The following CLIC5 variants were observed in gnomAD, a reference collection of about 807,000 sequenced individuals.
The protein encoded by CLIC5 is CLIC family member 5, also known as chloride intracellular channel protein 5.
In CLIC5, 20 loss-of-function variants were observed where a neutral mutation model predicts 24.7. The ratio of observed to expected loss-of-function variants is 0.81; its 90% CI spans 0.57 to 1.18. CLIC5 has a LOEUF of 1.18. CLIC5 is among the 50% of genes most tolerant of loss of function. CLIC5 has a pLI of 0.00. For missense variants in CLIC5, 341 were observed against 326.1 expected, an observed-to-expected ratio of 1.05 and a Z score of -0.35; for synonymous variants, 159 against 135.6, an observed-to-expected ratio of 1.17 and a Z score of -1.20.
intron 1 of CLIC5, among the ~76,000 whole-genome samples, chr6:46,024,621 T>A (rs1581875557): frequency 6.6e-6 from 1 of 152,196 alleles, no homozygotes; most frequent in African/African-American, 2.4e-5. Context: ...ACCACTAGAT[T>A]TTCCTGTCCT....
the CLIC5 span, among the ~76,000 whole-genome samples, chr6:46,124,781 C>G: frequency 6.6e-6 from 1 of 150,766 alleles, no homozygotes; most frequent in East Asian, 2.0e-4. Context: ...TGAACAGACA[C>G]TTCTCAAAAG....
At chr6:45,949,182 G>A in intron 3 of CLIC5, 74 bp downstream of exon 3, 1 of 1,526,180 alleles carries the variant, frequency 6.6e-7, no homozygotes, top group East Asian at 2.3e-5. Context: ...TCTGCCCGAA[G>A]TTAACACCAG....
At position 46,010,092 on chromosome 6, in the gene CLIC5, A is replaced by T. The variant is rs182472547; in HGVS notation, c.63+5388T>A. Among the ~76,000 whole-genome samples the T allele has an allele frequency of 2.2e-4, 33 of 152,278 alleles. No homozygotes were observed. The East Asian group carries it at 6.0e-3, about 28-fold the overall frequency. On this transcript the variant is annotated intron_variant, in intron 1 of 5. Coordinates refer to ENST00000339561, the MANE Select transcript of CLIC5 (RefSeq NM_016929.5). Reference sequence around the variant, plus strand: ...CAGGGGTCAGCTCCAACAATCGGGAACATTTCTCTTCCAGTTCCCTGAATG... The same window carrying T: ...CAGGGGTCAGCTCCAACAATCGGGATCATTTCTCTTCCAGTTCCCTGAATG...
At chr6:45,992,669 A>G (rs1383498989) in intron 1 of CLIC5, among the ~76,000 whole-genome samples, 1 of 152,148 alleles carries the variant, frequency 6.6e-6, no homozygotes, top group African/African-American at 2.4e-5. Flanking sequence ...GTAAGTCTGT[A>G]TCAGTGTTTC....
intron 4 of CLIC5, among the ~76,000 whole-genome samples, chr6:45,925,158 A>T (rs975297509): frequency 4.6e-5 from 7 of 152,236 alleles, no homozygotes; most frequent in African/African-American, 1.7e-4. Flanking sequence ...AAGAGTGCTT[A>T]GAACAGGGCA....
chr6:45,893,338 C>G (rs971595381), intron 6 of CLIC5, among the ~76,000 whole-genome samples: 1 of 151,802 alleles, frequency 6.6e-6, no homozygotes, highest in Admixed American at 6.6e-5. Context: ...GACTGAAGAC[C>G]AACATTTTCC....
At chr6:46,087,907 T>G in the CLIC5 span, among the ~76,000 whole-genome samples, 1 of 152,324 alleles carries the variant, frequency 6.6e-6, no homozygotes, top group African/African-American at 2.4e-5. Flanking sequence ...ATAAACGAGC[T>G]GCATATTTGT....
chr6:45,936,347 G>A (rs1484844930), intron 4 of CLIC5, among the ~76,000 whole-genome samples: 1 of 151,924 alleles, frequency 6.6e-6, no homozygotes, highest in Admixed American at 6.6e-5. Flanking sequence ...TGGGATTACA[G>A]GTGCTTGTCA....
chr6:45,922,860 T>TGAGAGAGA (rs1763326923), intron 4 of CLIC5, among the ~76,000 whole-genome samples: 1 of 93,942 alleles, frequency 1.1e-5, no homozygotes, highest in East Asian at 4.2e-4. Context: ...AGAGAGAGAC[T>TGAGAGAGA]GACTGAATGT....
At chr6:46,120,261 A>G in the CLIC5 span, among the ~76,000 whole-genome samples, 1 of 152,164 alleles carries the variant, frequency 6.6e-6, no homozygotes, top group African/African-American at 2.4e-5. Context: ...AGACAGCAAC[A>G]TTTGCTGTTC....
At chr6:45,984,646 C>A (rs796261083) in intron 1 of CLIC5, among the ~76,000 whole-genome samples, 1 of 152,170 alleles carries the variant, frequency 6.6e-6, no homozygotes, top group South Asian at 2.1e-4. Flanking sequence ...CAGGGCAAGG[C>A]TTTCATGGTC....
chr6:46,047,847 A>AG (rs1174286460), intron 1 of CLIC5, among the ~76,000 whole-genome samples: 2 of 152,204 alleles, frequency 1.3e-5, no homozygotes, highest in African/African-American at 2.4e-5. Flanking sequence ...AAAAAAACAG[A>AG]AAAAACAGTA....
At chr6:45,929,997 C>A (rs530688829) in intron 4 of CLIC5, among the ~76,000 whole-genome samples, 8 of 152,120 alleles carry the variant, frequency 5.3e-5, no homozygotes, top group Non-Finnish European at 1.2e-4. Context: ...GGGCTGGGGG[C>A]TGGGAGGGAG....
intron 1 of CLIC5, among the ~76,000 whole-genome samples, chr6:45,997,420 G>T (rs1766187355): frequency 6.7e-6 from 1 of 149,474 alleles, no homozygotes; most frequent in African/African-American, 2.5e-5. Flanking sequence ...TGAGTTAGTG[G>T]GTGCAGCGCA....
At chr6:46,031,627 C>A (rs1767501285) in intron 1 of CLIC5, among the ~76,000 whole-genome samples, 1 of 151,778 alleles carries the variant, frequency 6.6e-6, no homozygotes, top group African/African-American at 2.4e-5. Context: ...TTATAATGGT[C>A]AAGAGGTCCA....
At chr6:46,083,611 C>T (rs1176425249), upstream of CLIC5, among the ~76,000 whole-genome samples, 1 of 152,062 alleles carries the variant, frequency 6.6e-6, no homozygotes, top group Non-Finnish European at 1.5e-5. Context: ...ATCCTGAGTT[C>T]TATTTTGATT....
intron 2 of CLIC5, among the ~76,000 whole-genome samples, chr6:45,951,538 G>C (rs1764467669): frequency 6.6e-6 from 1 of 152,122 alleles, no homozygotes; most frequent in Non-Finnish European, 1.5e-5. Flanking sequence ...TTCTGTGTCT[G>C]CGCCAGCTGG....
At chr6:46,057,825 C>T (rs974245319) in intron 1 of CLIC5, among the ~76,000 whole-genome samples, 1 of 152,228 alleles carries the variant, frequency 6.6e-6, no homozygotes, top group Non-Finnish European at 1.5e-5. Flanking sequence ...TGACAGCCAG[C>T]TGTGCCCATC....
At chr6:45,968,698 G>T (rs1218754652) in intron 1 of CLIC5, among the ~76,000 whole-genome samples, 1 of 152,196 alleles carries the variant, frequency 6.6e-6, no homozygotes, top group African/African-American at 2.4e-5. Context: ...TTGGAGGCGG[G>T]TGACTATAGG....
Sources: gnomAD v4.1 joint callset for allele counts (sites outside exome capture counted in the v4.1 genomes callset) on GRCh38, gnomAD v4.1.1 for gene constraint, MANE v1.5 for transcripts, NCBI Gene and HGNC (gene_info 2026-07-23, HGNC 2026-07-21) for gene names.